The following TENT4A variants were observed in gnomAD, a reference collection of about 807,000 sequenced individuals.
The protein encoded by TENT4A is terminal nucleotidyltransferase 4A.
TENT4A carries 7 observed loss-of-function variants against 72.8 expected under a neutral mutation model. The observed-to-expected ratio is 0.10, with a 90% CI of 0.05 to 0.18. The LOEUF (loss-of-function observed/expected upper bound fraction) is 0.18. TENT4A is among the 10% of genes least tolerant of loss of function. The pLI, the probability that TENT4A is intolerant of heterozygous loss-of-function variation, is 1.00. For missense variants in TENT4A, 831 were observed against 1,017.7 expected (o/e 0.82, Z 2.50); for synonymous variants, 456 against 434.3 (o/e 1.05, Z -0.62).
At position 6,750,418 on chromosome 5, in the gene TENT4A, G is replaced by A. The variant is rs763229052; in HGVS notation, c.1775G>A (p.Arg592His). 3 of 1,613,402 alleles carry A rather than the reference G, an allele frequency of 1.9e-6. No homozygotes were observed. Among genetic ancestry groups the A allele is most frequent in the South Asian group, 1.1e-5 (1 of 91,006 alleles). Residue 592 changes from arginine to histidine, a missense_variant, in exon 10 of 13, where the codon CGC becomes CAC. Around this residue, in one of 3 missense-constraint regions of TENT4A, gnomAD observed 332 missense variants for 324.3 expected, o/e 1.02. Coordinates refer to ENST00000230859, the MANE Select transcript of TENT4A (RefSeq NM_006999.6). ...NREPESPYGQ[R>H]LTLSLSSPQL... ...GAGCCCGAGTCTCCCTATGGCCAGCGCTTGACTTTGTCGCTGTCCAGCCCC... is the reference window on the plus strand; with the variant it reads ...GAGCCCGAGTCTCCCTATGGCCAGCACTTGACTTTGTCGCTGTCCAGCCCC...
chr5:6,740,693 G>C (rs577357316), intron 4 of TENT4A, among the ~76,000 whole-genome samples: 1 of 152,332 alleles, frequency 6.6e-6, no homozygotes, highest in East Asian at 1.9e-4. Context: ...ACCTCTTGGT[G>C]AGAGTTAACG....
At chr5:6,734,315 C>T (rs981496327) in intron 1 of TENT4A, among the ~76,000 whole-genome samples, 11 of 152,366 alleles carry the variant, frequency 7.2e-5, no homozygotes, top group Middle Eastern at 3.4e-3. Flanking sequence ...CCCCAACCCT[C>T]GCCCTCTGAG....
intron 12 of TENT4A, among the ~76,000 whole-genome samples, chr5:6,754,144 G>A (rs974359715): frequency 6.6e-6 from 1 of 152,216 alleles, no homozygotes; most frequent in Non-Finnish European, 1.5e-5. Context: ...GGTCACAGCT[G>A]GGGGAAGAAC....
At position 6,755,360 on chromosome 5, in the gene TENT4A, G is replaced by A. The variant is rs1474749828; in HGVS notation, c.*415G>A. On this transcript the variant is annotated 3_prime_UTR_variant, in exon 13 of 13. Transcript: ENST00000230859. ...GTCTTTCCTCCACGGATAAGCTTGG[G>A]AGGTCATTGTTTTACTGCCCTCACA... 1.9e-5 allele frequency: 3 copies of A among 161,590 alleles called. No homozygotes were observed. Among genetic ancestry groups the A allele is most frequent in the Non-Finnish European group, 4.0e-5 (3 of 74,308 alleles). 10.0% of individuals were successfully genotyped at this position (161,590 alleles called of 1,614,324 possible).
At position 6,755,007 on chromosome 5, in the gene TENT4A, C is replaced by A; in HGVS notation, c.*62C>A. On this transcript the variant is annotated 3_prime_UTR_variant, in exon 13 of 13. Coordinates refer to ENST00000230859, the MANE Select transcript of TENT4A (RefSeq NM_006999.6). ...CAGACTGCCCCGCGGCCTCGGCCAC[C>A]GGCAGGGGAACCGAGACCAGCACCC... 2 of 1,422,404 alleles carry A rather than the reference C, an allele frequency of 1.4e-6. No homozygotes were observed. Among genetic ancestry groups the A allele is most frequent in the Non-Finnish European group, 9.3e-7 (1 of 1,069,984 alleles). 88.1% of individuals were successfully genotyped at this position (1,422,404 alleles called of 1,614,324 possible). A position where few individuals can be genotyped will look rare whatever the true frequency, so the allele number is the denominator to read the frequency against.
chr5:6,744,710 C>G (rs903098789), intron 6 of TENT4A, among the ~76,000 whole-genome samples: 1 of 152,220 alleles, frequency 6.6e-6, no homozygotes, highest in Admixed American at 6.5e-5. Context: ...AATTCCATGT[C>G]TGTTTTCTTA....
chr5:6,729,099 T>C (rs1167440384), intron 1 of TENT4A, among the ~76,000 whole-genome samples: 1 of 152,222 alleles, frequency 6.6e-6, no homozygotes, highest in Non-Finnish European at 1.5e-5. Context: ...TTTCACTCTT[T>C]AGGAAAGGAC....
intron 11 of TENT4A, 123 bp from the exon 12 acceptor site, chr5:6,752,750 C>T (rs1729851920): frequency 1.3e-6 from 1 of 747,466 alleles, no homozygotes; most frequent in African/African-American, 1.7e-5. Context: ...ACAGACTGCT[C>T]TATGGAGCCC....
chr5:6,725,414 G>T (rs1005612162), intron 1 of TENT4A, among the ~76,000 whole-genome samples: 8 of 152,238 alleles, frequency 5.3e-5, no homozygotes, highest in Non-Finnish European at 1.0e-4. Context: ...CTGAGGGCCT[G>T]CCCAGTCTCC....
chr5:6,732,426 C>G (rs1741259986), intron 1 of TENT4A, among the ~76,000 whole-genome samples: 1 of 152,208 alleles, frequency 6.6e-6, no homozygotes, highest in African/African-American at 2.4e-5. Context: ...TTCTTTTGCT[C>G]TTAAAATAGC....
chr5:6,751,430 ACG>A, intron 11 of TENT4A: 2 of 352,504 alleles, frequency 5.7e-6, no homozygotes, highest in Non-Finnish European at 5.1e-6. Context: ...GTGGCTTTTC[ACG>A]GGGGCCAGGT....
At position 6,739,700 on chromosome 5, in the gene TENT4A, A is replaced by T. The variant is rs200118372; in HGVS notation, c.888-32A>T. 3.7e-5 allele frequency: 60 copies of T among 1,612,238 alleles called. No individual in the cohort carries two copies. The East Asian group carries it at 1.0e-3, about 28-fold the overall frequency. On this transcript the variant is annotated intron_variant, in intron 3 of 12. Coordinates refer to ENST00000230859, the MANE Select transcript of TENT4A (RefSeq NM_006999.6). ...CGAGTGTGTAGGCTGTGGCGAGGGG[A>T]GCAGTGGCTGACGTGCGTTTTCTTC...
chr5:6,741,269 G>A (rs901321841), intron 4 of TENT4A, among the ~76,000 whole-genome samples: 5 of 152,180 alleles, frequency 3.3e-5, no homozygotes, highest in African/African-American at 1.2e-4. Flanking sequence ...CTGTGCAGCC[G>A]GCCAGTCATG....
In TENT4A at chr5:6,729,561, G is replaced by A. The variant is rs567733327; in HGVS notation, c.717-7949G>A. Among the ~76,000 whole-genome samples the A allele has an allele frequency of 2.0e-5, 3 of 152,352 alleles. No individual in the cohort carries two copies. In the East Asian group the frequency reaches 5.8e-4, roughly 29 times the overall value. On this transcript the variant is annotated intron_variant, in intron 1 of 12. Coordinates refer to ENST00000230859, the MANE Select transcript of TENT4A (RefSeq NM_006999.6). Reference sequence around the variant, plus strand: ...GTTTCACAGCAGGCGCGGTTCCCTCGGAGCACCCAGAGCTGCCCTGCGGTA... The same window carrying A: ...GTTTCACAGCAGGCGCGGTTCCCTCAGAGCACCCAGAGCTGCCCTGCGGTA...
Position 6,714,592 on chromosome 5 carries a change from G to T in TENT4A, c.609G>T (p.Leu203=), listed in dbSNP as rs1453646638. 4.2e-6 allele frequency: 5 copies of T among 1,198,694 alleles called. No individual in the cohort carries two copies. The highest frequency in any genetic ancestry group is 5.2e-6 in the Non-Finnish European group (5 of 966,570). 74.3% of individuals were successfully genotyped at this position (1,198,694 alleles called of 1,614,324 possible). ...GCACCTACGGCCTCAACTACCTGCTGTCCGGCAGCCGCGCGGCCGCTCTCA... is the reference window on the plus strand; with the variant it reads ...GCACCTACGGCCTCAACTACCTGCTTTCCGGCAGCCGCGCGGCCGCTCTCA... ...KASTYGLNYL[L]SGSRAAALSG... The change falls in exon 1 of 13, where the codon CTG becomes CTT. Residue 203 remains leucine (L), a synonymous_variant. Transcript: ENST00000230859.
chr5:6,725,394 C>T (rs1054049780), intron 1 of TENT4A, among the ~76,000 whole-genome samples: 1 of 152,208 alleles, frequency 6.6e-6, no homozygotes, highest in Non-Finnish European at 1.5e-5. Flanking sequence ...AGGAGAGATG[C>T]CGATGCTGTC....
At position 6,754,766 on chromosome 5, in the gene TENT4A, A is replaced by G; in HGVS notation, c.2200A>G (p.Lys734Glu). 2.5e-6 allele frequency: 4 copies of G among 1,582,668 alleles called. No individual in the cohort carries two copies. The highest frequency in any genetic ancestry group is 3.5e-6 in the Non-Finnish European group (4 of 1,156,128). The change falls in exon 13 of 13, where the codon AAA becomes GAA. Residue 734 changes from lysine (K) to glutamate (E), a missense_variant. Transcript: ENST00000230859. ...HLYHKQHNGM[K>E]LSMKGSHGHT... is the part of the protein sequence containing the mutation. ...CTTTCTCCAGCAGCACAACGGCATG[A>G]AACTGTCCATGAAGGGCTCTCACGG...
At chr5:6,735,294 G>T (rs1741423139) in intron 1 of TENT4A, among the ~76,000 whole-genome samples, 1 of 152,176 alleles carries the variant, frequency 6.6e-6, no homozygotes, top group Non-Finnish European at 1.5e-5. Flanking sequence ...CTCAGAACAG[G>T]ACTGTGAGGT....
intron 1 of TENT4A, among the ~76,000 whole-genome samples, chr5:6,718,832 TGATA>T (rs1184621590): frequency 1.3e-5 from 2 of 152,120 alleles, no homozygotes; most frequent in Admixed American, 6.5e-5. Context: ...GTCTGGTCAC[TGATA>T]GATGAGGACT....
Sources: gnomAD v4.1 joint callset for allele counts (sites outside exome capture counted in the v4.1 genomes callset) on GRCh38, gnomAD v4.1.1 for gene constraint, gnomAD v4.1.1 regional missense constraint, MANE v1.5 for transcripts, NCBI Gene and HGNC (gene_info 2026-07-23, HGNC 2026-07-21) for gene names.